The following STAMBPL1 variants were observed in gnomAD, a reference collection of about 807,000 sequenced individuals.
STAMBPL1 encodes AMSH-like protease.
In STAMBPL1, 44 loss-of-function variants were observed where a neutral mutation model predicts 52.9. That is an observed-to-expected ratio of 0.83 (90% confidence interval 0.65 to 1.07). STAMBPL1 has a LOEUF of 1.07. STAMBPL1 is among the 50% of genes least tolerant of loss of function. The pLI, the probability that STAMBPL1 is intolerant of heterozygous loss-of-function variation, is 0.00. For synonymous variants in STAMBPL1, 164 were observed against 177.3 expected, an observed-to-expected ratio of 0.92 and a Z score of 0.60; for missense variants, 511 against 520.8, an observed-to-expected ratio of 0.98 and a Z score of 0.18.
intron 8 of STAMBPL1, 95 bp from the exon 9 acceptor site, chr10:88,921,187 TA>T: frequency 1.1e-6 from 1 of 948,968 alleles, no homozygotes; most frequent in Non-Finnish European, 1.6e-6. Context: ...TTAATGATGG[TA>T]AAAACTAAAA....
At chr10:88,883,880 G>A (rs1364711269) in intron 1 of STAMBPL1, among the ~76,000 whole-genome samples, 3 of 152,078 alleles carry the variant, frequency 2.0e-5, no homozygotes. Flanking sequence ...TGAATATTAA[G>A]GATGTTATGA....
In STAMBPL1 at chr10:88,901,395, G is replaced by A. The variant is rs757640271; in HGVS notation, c.-53-261G>A. 24 of 245,792 alleles carry A rather than the reference G, an allele frequency of 9.8e-5. No homozygotes were observed. The South Asian group carries it at 1.8e-3, about 18-fold the overall frequency. 15.2% of individuals were successfully genotyped at this position (245,792 alleles called of 1,614,324 possible). A position where few individuals can be genotyped will look rare whatever the true frequency, so the allele number is the denominator to read the frequency against. ...CATAGAGTTCTAAGTAAGGTATCCC[G>A]CAGCAGATTCATACTGGGTGTCAGT... On this transcript the variant is annotated intron_variant, in intron 1 of 10. Transcript: ENST00000371926.
At chr10:88,887,722 A>G (rs1844572974) in intron 1 of STAMBPL1, among the ~76,000 whole-genome samples, 1 of 151,968 alleles carries the variant, frequency 6.6e-6, no homozygotes, top group Non-Finnish European at 1.5e-5. Flanking sequence ...AGGTTTCACC[A>G]TGTTGCCCAG....
intron 1 of STAMBPL1, among the ~76,000 whole-genome samples, chr10:88,889,119 A>G (rs1844614460): frequency 6.6e-6 from 1 of 152,312 alleles, no homozygotes; most frequent in East Asian, 1.9e-4. Context: ...AATAGATGTA[A>G]GTCCTTTCTA....
intron 1 of STAMBPL1, among the ~76,000 whole-genome samples, chr10:88,896,106 A>T: frequency 6.6e-6 from 1 of 152,330 alleles, no homozygotes; most frequent in Middle Eastern, 3.4e-3. Context: ...ATAGGGAAAA[A>T]ATCCAATAAA....
intron 1 of STAMBPL1, among the ~76,000 whole-genome samples, chr10:88,892,353 C>CGTGTGTGT (rs5786841): frequency 8.1e-5 from 12 of 149,016 alleles, no homozygotes; most frequent in African/African-American, 2.2e-4. Flanking sequence ...TGTGCGTGTG[C>CGTGTGTGT]GTGTGTGTGT....
rs532885517 is a variant in STAMBPL1 at position 88,915,850 on chromosome 10, A to G, written c.904-830A>G. On this transcript the variant is annotated intron_variant, in intron 7 of 10. Transcript: ENST00000371926. Reference sequence around the variant, plus strand: ...GATGTTTGAGCTAGGCCTGAAGAATACATAAAGGAGGAGGTTGGATGGAGG... The same window carrying G: ...GATGTTTGAGCTAGGCCTGAAGAATGCATAAAGGAGGAGGTTGGATGGAGG... Among the ~76,000 whole-genome samples, 17 of 152,274 alleles carry G rather than the reference A, an allele frequency of 1.1e-4. No individual in the cohort carries two copies. In the East Asian group the frequency reaches 3.3e-3, roughly 29 times the overall value.
At chr10:88,916,853 T>A (rs1227209021) in intron 8 of STAMBPL1, 36 bp downstream of exon 8, 3 of 1,469,212 alleles carry the variant, frequency 2.0e-6, no homozygotes, top group Non-Finnish European at 2.7e-6. Flanking sequence ...TTTTTTTGTG[T>A]GTGTGGCATG....
intron 8 of STAMBPL1, among the ~76,000 whole-genome samples, chr10:88,917,760 A>T (rs1476074549): frequency 6.6e-6 from 1 of 152,180 alleles, no homozygotes; most frequent in African/African-American, 2.4e-5. Flanking sequence ...TTTTGCTGCT[A>T]TAACAAAATG....
At chr10:88,896,642 A>C (rs1387431294) in intron 1 of STAMBPL1, among the ~76,000 whole-genome samples, 2 of 152,150 alleles carry the variant, frequency 1.3e-5, no homozygotes, top group Non-Finnish European at 2.9e-5. Flanking sequence ...TATCCAGGTC[A>C]CTAGGGCACT....
At chr10:88,906,499 TAA>T (rs1480642466) in intron 3 of STAMBPL1, among the ~76,000 whole-genome samples, 4 of 152,254 alleles carry the variant, frequency 2.6e-5, no homozygotes, top group Non-Finnish European at 5.9e-5. Context: ...TAATTTTATT[TAA>T]GTTGACAAAT....
chr10:88,906,240 T>C (rs1323674544), intron 3 of STAMBPL1, among the ~76,000 whole-genome samples: 1 of 152,208 alleles, frequency 6.6e-6, no homozygotes, highest in East Asian at 1.9e-4. Context: ...TGTCAAAATG[T>C]TGAGTAAAAG....
intron 8 of STAMBPL1, among the ~76,000 whole-genome samples, chr10:88,919,198 T>G (rs1322207689): frequency 6.6e-6 from 1 of 152,216 alleles, no homozygotes; most frequent in African/African-American, 2.4e-5. Flanking sequence ...ATCAGCAAGT[T>G]ACTCACTTTC....
chr10:88,901,635 T>C (rs1844945165), intron 1 of STAMBPL1, 21 bp from the exon 2 acceptor site: 1 of 1,525,880 alleles, frequency 6.6e-7, no homozygotes, highest in African/African-American at 1.4e-5. Flanking sequence ...ACTTTAGTTC[T>C]GCTTCTTGTT....
At chr10:88,920,221 T>C (rs1016813943) in intron 8 of STAMBPL1, among the ~76,000 whole-genome samples, 3 of 152,240 alleles carry the variant, frequency 2.0e-5, no homozygotes, top group Non-Finnish European at 4.4e-5. Flanking sequence ...TAGCTACTAC[T>C]ATGGCTCTGT....
chr10:88,883,088 C>G (rs1004592393), intron 1 of STAMBPL1, among the ~76,000 whole-genome samples: 12 of 148,266 alleles, frequency 8.1e-5, no homozygotes, highest in Non-Finnish European at 1.8e-4. Flanking sequence ...CAATTCCCAC[C>G]TATGAGTGAG....
rs145229431 is a variant in STAMBPL1 at position 88,920,627 on chromosome 10, A to G, written c.1042-656A>G. 5.9e-3 allele frequency among the ~76,000 whole-genome samples: 894 copies of G among 152,316 alleles called. 11 individuals carry two copies. The highest frequency in any genetic ancestry group is 0.019 in the African/African-American group (808 of 41,574). ...TGGCCATGCATAAACACATTTGTAT[A>G]TAGCCAGAAACTTGGCAGATTTCTT... On this transcript the variant is annotated intron_variant, in intron 8 of 10. Transcript: ENST00000371926.
chr10:88,887,197 A>G (rs1186877752), intron 1 of STAMBPL1, among the ~76,000 whole-genome samples: 1 of 152,220 alleles, frequency 6.6e-6, no homozygotes, highest in Non-Finnish European at 1.5e-5. Flanking sequence ...AACCTGGGCA[A>G]AGAAACTGCT....
rs748282655 is a variant in STAMBPL1 at position 88,916,653 on chromosome 10, G to C, written c.904-27G>C. 5 of 1,541,894 alleles carry C rather than the reference G, an allele frequency of 3.2e-6. No homozygotes were observed. The Admixed American group carries it at 8.0e-5, about 25-fold the overall frequency. On this transcript the variant is annotated intron_variant, in intron 7 of 10. Coordinates refer to ENST00000371926, the MANE Select transcript of STAMBPL1 (RefSeq NM_020799.4). ...TTTTTTTTTTTTCTGTGAGATGCATGTCATTCTTTCTGCTATTGTTTTTTA... is the reference window on the plus strand; with the variant it reads ...TTTTTTTTTTTTCTGTGAGATGCATCTCATTCTTTCTGCTATTGTTTTTTA...
Sources: allele counts gnomAD v4.1 joint callset (sites outside exome capture counted in the v4.1 genomes callset), GRCh38; gene constraint gnomAD v4.1.1; transcripts MANE v1.5; gene names NCBI Gene and HGNC (gene_info 2026-07-23, HGNC 2026-07-21).